ZNF679: variants seen among roughly 807,000 people sequenced by gnomAD.
The protein encoded by ZNF679 is zinc finger protein 679.
A neutral mutation model predicts 13.4 loss-of-function variants in ZNF679; 10 were observed. That is an observed-to-expected ratio of 0.75 (90% CI 0.46 to 1.27). The LOEUF (loss-of-function observed/expected upper bound fraction) is 1.27. Ranked by LOEUF, ZNF679 falls within the 50% of genes most tolerant of loss-of-function variation. ZNF679 has a pLI of 0.00. For missense variants in ZNF679, 525 were observed against 477.8 expected, an observed-to-expected ratio of 1.10 and a Z score of -0.92; for synonymous variants, 179 against 162.5, an observed-to-expected ratio of 1.10 and a Z score of -0.77.
intron 2 of ZNF679, among the ~76,000 whole-genome samples, chr7:64,250,164 A>AT (rs1005488365): frequency 3.1e-4 from 46 of 146,848 alleles, no homozygotes; most frequent in African/African-American, 7.0e-4. Context: ...TTTGAGTTAG[A>AT]TTTTTTTTTT....
chr7:64,242,962 T>C (rs1449878589), intron 1 of ZNF679, among the ~76,000 whole-genome samples: 1 of 152,174 alleles, frequency 6.6e-6, no homozygotes, highest in Non-Finnish European at 1.5e-5. Context: ...TAACTGTGTA[T>C]TGTGTTGTCA....
intron 1 of ZNF679, among the ~76,000 whole-genome samples, chr7:64,241,478 C>G (rs1189382568): frequency 6.6e-6 from 1 of 152,220 alleles, no homozygotes; most frequent in African/African-American, 2.4e-5. Context: ...AGCGATATGT[C>G]ACAATGTCCC....
chr7:64,232,711 A>T (rs572111001), intron 1 of ZNF679, among the ~76,000 whole-genome samples: 3 of 152,124 alleles, frequency 2.0e-5, no homozygotes, highest in South Asian at 4.2e-4. Context: ...CCCCTTTGTA[A>T]TCAGGGCCCA....
rs754076133 is a variant in ZNF679, at chr7:64,266,856, A to C, written c.1223A>C (p.Tyr408Ser). 6.4e-7 allele frequency: 1 copy of C among 1,572,972 alleles called. No individual in the cohort carries two copies. The highest frequency in any genetic ancestry group is 1.9e-5 in the Admixed American group (1 of 52,968). The change falls in exon 5 of 5, where the codon TAC (tyrosine) becomes TCC (serine). Residue 408 changes from tyrosine to serine, a missense_variant. Coordinates refer to ENST00000421025, the MANE Select transcript of ZNF679 (RefSeq NM_153363.3). ...HKSMHTGEKP[Y>S]KCE ...AGTATGCATACTGGAGAGAAACCCT[A>C]CAAATGTGAATAATGTGATAAAGTC...
intron 1 of ZNF679, among the ~76,000 whole-genome samples, chr7:64,243,064 T>G (rs1202203029): frequency 6.6e-6 from 1 of 152,128 alleles, no homozygotes; most frequent in African/African-American, 2.4e-5. Context: ...GAGTCACAAT[T>G]TTACTTCTGT....
chr7:64,235,671 T>G (rs1375428035), intron 1 of ZNF679, among the ~76,000 whole-genome samples: 2 of 151,570 alleles, frequency 1.3e-5, no homozygotes. Flanking sequence ...AGCCTGTAAT[T>G]CCAGCTACTC....
At chr7:64,235,712 C>T (rs750139158) in intron 1 of ZNF679, among the ~76,000 whole-genome samples, 16 of 151,660 alleles carry the variant, frequency 1.1e-4, no homozygotes, top group Non-Finnish European at 2.2e-4. Context: ...TCGCTGGAAC[C>T]CAAGAGGCAG....
At chr7:64,251,441 G>A (rs1787943192) in intron 2 of ZNF679, among the ~76,000 whole-genome samples, 4 of 151,948 alleles carry the variant, frequency 2.6e-5, no homozygotes, top group Admixed American at 2.6e-4. Context: ...ACAACAGAGT[G>A]AGACCATATC....
At chr7:64,236,559 T>C (rs987129686) in intron 1 of ZNF679, among the ~76,000 whole-genome samples, 1 of 151,844 alleles carries the variant, frequency 6.6e-6, no homozygotes, top group African/African-American at 2.4e-5. Context: ...CTGAGGTGGG[T>C]GGATCACCTA....
chr7:64,234,657 G>C (rs957289657), intron 1 of ZNF679, among the ~76,000 whole-genome samples: 2 of 152,178 alleles, frequency 1.3e-5, no homozygotes, highest in African/African-American at 2.4e-5. Flanking sequence ...AAAGCATAGA[G>C]CCCAACGGAG....
Position 64,236,918 on chromosome 7 carries a change from G to A in ZNF679, c.-91+8266G>A, listed in dbSNP as rs866798985. ...AAAGAAAAAGAAAAAAAGAAAGAAA[G>A]AAAGAAGAAAGAAAGAAAGAAAGAA... On this transcript the variant is annotated intron_variant, in intron 1 of 4. Transcript: ENST00000421025. 3.6e-3 allele frequency among the ~76,000 whole-genome samples: 360 copies of A among 99,184 alleles called. 1 individual carries two copies. Among genetic ancestry groups the A allele is most frequent in the African/African-American group, 0.012 (330 of 26,432 alleles). The allele number at this position is 99,184 out of a possible 152,430, so 65.1% of individuals were successfully genotyped here. A position where few individuals can be genotyped will look rare whatever the true frequency, so the allele number is the denominator to read the frequency against.
Position 64,260,209 on chromosome 7 carries a change from A to G in ZNF679, c.40-12A>G. 6.3e-7 allele frequency: 1 copy of G among 1,588,634 alleles called. No individual in the cohort carries two copies. Among genetic ancestry groups the G allele is most frequent in the Non-Finnish European group, 8.5e-7 (1 of 1,171,788 alleles). ...TCATGAGTGTTTTTTTGTTGTTGTT[A>G]TTGTTTTTCAGGGACTGTTGACATT... On this transcript the variant is annotated splice_polypyrimidine_tract_variant and intron_variant, in intron 2 of 4. Coordinates refer to ENST00000421025, the MANE Select transcript of ZNF679 (RefSeq NM_153363.3).
At position 64,265,591 on chromosome 7, in the gene ZNF679, A is replaced by G. The variant is rs1018927482; in HGVS notation, c.263-305A>G. On this transcript the variant is annotated intron_variant, in intron 4 of 4. Coordinates refer to ENST00000421025, the MANE Select transcript of ZNF679 (RefSeq NM_153363.3). Reference sequence around the variant, plus strand: ...AAGCCAGTTTACTCCTAAAGACACCATGTTCTTCTATTGGGGATGAAGAAG... The same window carrying G: ...AAGCCAGTTTACTCCTAAAGACACCGTGTTCTTCTATTGGGGATGAAGAAG... 6.6e-5 allele frequency among the ~76,000 whole-genome samples: 10 copies of G among 152,296 alleles called. No individual in the cohort carries two copies. In the South Asian group the frequency reaches 1.0e-3, roughly 16 times the overall value.
rs762194868 is a variant in ZNF679 at position 64,265,981 on chromosome 7, A to T, written c.348A>T (p.Gly116=). 1 of 1,613,676 alleles carries T rather than the reference A, an allele frequency of 6.2e-7. No homozygotes were observed. The highest frequency in any genetic ancestry group is 1.3e-5 in the African/African-American group (1 of 74,934). Residue 116 remains glycine, a synonymous_variant, in exon 5 of 5, where the codon GGA becomes GGT. Transcript: ENST00000421025. The part of the protein sequence containing the change: ...SLQKVIPRRY[G]KSGHDNLQVK... ...AAAAAGTAATACCAAGAAGATATGG[A>T]AAAAGTGGACATGACAATTTACAAG...
chr7:64,245,146 C>G (rs2116522881), intron 1 of ZNF679, among the ~76,000 whole-genome samples: 1 of 152,316 alleles, frequency 6.6e-6, no homozygotes. Context: ...CCTGCCCCAG[C>G]CTCCTGAGTA....
At chr7:64,239,351 T>C (rs567892281) in intron 1 of ZNF679, among the ~76,000 whole-genome samples, 2 of 152,324 alleles carry the variant, frequency 1.3e-5, no homozygotes, top group African/African-American at 4.8e-5. Flanking sequence ...TTGTGACTCA[T>C]GTACTTGGAC....
rs865992348 is a variant in ZNF679 at position 64,239,308 on chromosome 7, G to A, written c.-90-9720G>A. ...GACACAGCTTGGAGAAGGGATTGGGGCTCTCATGAGAGGATGCAATCCACT... is the reference window on the plus strand; with the variant it reads ...GACACAGCTTGGAGAAGGGATTGGGACTCTCATGAGAGGATGCAATCCACT... On this transcript the variant is annotated intron_variant, in intron 1 of 4. Transcript: ENST00000421025. 2.0e-5 allele frequency among the ~76,000 whole-genome samples: 3 copies of A among 152,150 alleles called. No homozygotes were observed. In the South Asian group the frequency reaches 6.2e-4, roughly 32 times the overall value.
At chr7:64,258,882 CT>C (rs1562846788) in intron 2 of ZNF679, among the ~76,000 whole-genome samples, 2 of 147,756 alleles carry the variant, frequency 1.4e-5, no homozygotes, top group African/African-American at 4.9e-5. Context: ...GCATAGTCTT[CT>C]TTTTTTGTTG....
intron 1 of ZNF679, among the ~76,000 whole-genome samples, chr7:64,230,509 T>C (rs1270570570): frequency 2.2e-5 from 3 of 136,062 alleles, no homozygotes; most frequent in East Asian, 2.2e-4. Context: ...GTCCGCAGTC[T>C]GGCCTGGGCG....
Sources: gnomAD v4.1 joint callset for allele counts (sites outside exome capture counted in the v4.1 genomes callset) on GRCh38, gnomAD v4.1.1 for gene constraint, MANE v1.5 for transcripts, NCBI Gene and HGNC (gene_info 2026-07-23, HGNC 2026-07-21) for gene names.